Variants in GRID2 observed in about 807,000 individuals in gnomAD.
The protein encoded by GRID2 is glutamate ionotropic receptor delta type subunit 2.
Under a neutral mutation model 114.8 loss-of-function variants are expected in GRID2, and 33 were observed. That is an observed-to-expected ratio of 0.29 (90% CI 0.22 to 0.38). The LOEUF (loss-of-function observed/expected upper bound fraction) is 0.38, where lower values mean the gene tolerates loss of function less well. Among genes scored for constraint, GRID2 ranks in the 10% least tolerant of loss-of-function variants. GRID2 has a pLI of 1.00. For missense variants in GRID2, 1,184 were observed against 1,257.7 expected (o/e 0.94, Z 0.89); for synonymous variants, 505 against 449.9 (o/e 1.12, Z -1.55).
At chr4:93,632,583 T>C (rs1387338949) in intron 14 of GRID2, among the ~76,000 whole-genome samples, 2 of 152,214 alleles carry the variant, frequency 1.3e-5, no homozygotes, top group Non-Finnish European at 2.9e-5. Context: ...TATATCTCTG[T>C]TTTGGTACCA....
At chr4:92,902,725 C>T (rs1401293824) in intron 2 of GRID2, among the ~76,000 whole-genome samples, 1 of 152,124 alleles carries the variant, frequency 6.6e-6, no homozygotes, top group East Asian at 1.9e-4. Flanking sequence ...CCAATATTCC[C>T]AGTACCGTTT....
At chr4:93,021,765 TATA>T (rs1008468544) in intron 2 of GRID2, among the ~76,000 whole-genome samples, 19 of 146,214 alleles carry the variant, frequency 1.3e-4, no homozygotes, top group African/African-American at 3.4e-4. Flanking sequence ...ATATGAATAT[TATA>T]ATATTTACAA....
chr4:92,371,537 T>G (rs1288521088), intron 1 of GRID2, among the ~76,000 whole-genome samples: 2 of 152,128 alleles, frequency 1.3e-5, no homozygotes, highest in Non-Finnish European at 2.9e-5. Context: ...TGGAAGACAA[T>G]GTATGTGTTT....
In GRID2 at chr4:92,631,020, A is replaced by G. The variant is rs186456303; in HGVS notation, c.244+40734A>G. 3.1e-3 allele frequency among the ~76,000 whole-genome samples: 472 copies of G among 151,858 alleles called. 2 individuals are homozygous for G. The highest frequency in any genetic ancestry group is 0.011 in the African/African-American group (455 of 41,488). On this transcript the variant is annotated intron_variant, in intron 2 of 15. Transcript: ENST00000282020. ...GTATTAATGAGTATAATGAGAAAAA[A>G]AAAAAGAAAAAAACAAGAGATCTAT...
intron 13 of GRID2, among the ~76,000 whole-genome samples, chr4:93,546,630 TA>T (rs1733242206): frequency 6.6e-6 from 1 of 152,146 alleles, no homozygotes; most frequent in Non-Finnish European, 1.5e-5. Flanking sequence ...TTTCTATCTG[TA>T]AAATGAAAGT....
chr4:92,586,377 C>CACACACACACACACACAT (rs1014940069), intron 1 of GRID2, among the ~76,000 whole-genome samples: 1 of 151,204 alleles, frequency 6.6e-6, no homozygotes, highest in Non-Finnish European at 1.5e-5. Flanking sequence ...CACACACACA[C>CACACACACACACACACAT]ACACACACAC....
chr4:93,290,685 T>C (rs1372032063), intron 8 of GRID2, among the ~76,000 whole-genome samples: 2 of 151,636 alleles, frequency 1.3e-5, no homozygotes, highest in African/African-American at 4.9e-5. Context: ...GTTGTTCTTC[T>C]TTCTTTTTTC....
At chr4:92,520,346 G>T (rs1234573273) in intron 1 of GRID2, among the ~76,000 whole-genome samples, 3 of 150,274 alleles carry the variant, frequency 2.0e-5, no homozygotes, top group Admixed American at 1.3e-4. Context: ...AGAAAACAAA[G>T]ATATTTTCTA....
chr4:92,663,208 G>C (rs1299053097), intron 2 of GRID2, among the ~76,000 whole-genome samples: 1 of 150,986 alleles, frequency 6.6e-6, no homozygotes, highest in Non-Finnish European at 1.5e-5. Context: ...AATGACAAGA[G>C]TAATTTCAAG....
At chr4:92,940,966 T>G (rs911671219) in intron 2 of GRID2, among the ~76,000 whole-genome samples, 1 of 152,176 alleles carries the variant, frequency 6.6e-6, no homozygotes, top group Non-Finnish European at 1.5e-5. Context: ...TGGATTCGGT[T>G]TGCCAGTATT....
At chr4:92,777,323 A>T (rs1254446038) in intron 2 of GRID2, among the ~76,000 whole-genome samples, 3 of 152,044 alleles carry the variant, frequency 2.0e-5, no homozygotes, top group African/African-American at 7.2e-5. Flanking sequence ...CCTTGCTGTT[A>T]TAGTTCAGAT....
At position 92,308,994 on chromosome 4, in the gene GRID2, C is replaced by T. The variant is rs528753890; in HGVS notation, c.88+4250C>T. 2.6e-5 allele frequency among the ~76,000 whole-genome samples: 4 copies of T among 152,052 alleles called. No individual in the cohort carries two copies. In the East Asian group the frequency reaches 7.7e-4, roughly 29 times the overall value. On this transcript the variant is annotated intron_variant, in intron 1 of 15. Transcript: ENST00000282020. The stretch of plus-strand genomic sequence containing the variant: ...CAATTCAAGTGTGTATTAAGTTAGA[C>T]AATGTTGTTATTAATCAAAGATACC...
At chr4:92,730,112 A>G (rs912714543) in intron 2 of GRID2, among the ~76,000 whole-genome samples, 24 of 151,602 alleles carry the variant, frequency 1.6e-4, no homozygotes, top group African/African-American at 5.8e-4. Flanking sequence ...ATCACATAGA[A>G]CTCCAGTTTA....
At chr4:93,286,771 A>G (rs1189383356) in intron 8 of GRID2, among the ~76,000 whole-genome samples, 2 of 151,734 alleles carry the variant, frequency 1.3e-5, no homozygotes, top group Non-Finnish European at 2.9e-5. Context: ...AGAATTATAT[A>G]TATATCATCA....
chr4:92,867,120 A>C (rs1744923405), intron 2 of GRID2, among the ~76,000 whole-genome samples: 2 of 152,202 alleles, frequency 1.3e-5, no homozygotes, highest in African/African-American at 4.8e-5. Flanking sequence ...TTACATAGTA[A>C]ATACATCATG....
rs560547185 is a variant in GRID2, at chr4:93,594,135, T to G, written c.2194-32134T>G. Among the ~76,000 whole-genome samples the G allele has an allele frequency of 1.6e-3, 247 of 152,326 alleles. 4 individuals are homozygous for G. The South Asian group carries it at 0.026, about 16-fold the overall frequency. On this transcript the variant is annotated intron_variant, in intron 13 of 15. Coordinates refer to ENST00000282020, the MANE Select transcript of GRID2 (RefSeq NM_001510.4). Reference sequence around the variant, plus strand: ...CTTTGGAGGAGGAGAGGCACTCTGCTTTTTAGAGTTTCCAGTTTTTCTGTT... The same window carrying G: ...CTTTGGAGGAGGAGAGGCACTCTGCGTTTTAGAGTTTCCAGTTTTTCTGTT...
chr4:93,520,920 A>G (rs1281129711), intron 13 of GRID2, among the ~76,000 whole-genome samples: 1 of 152,132 alleles, frequency 6.6e-6, no homozygotes, highest in Non-Finnish European at 1.5e-5. Flanking sequence ...TGTGGAGACC[A>G]GGGGGCTCAA....
At chr4:93,524,418 A>G (rs1730630397) in intron 13 of GRID2, among the ~76,000 whole-genome samples, 2 of 152,152 alleles carry the variant, frequency 1.3e-5, no homozygotes, top group Admixed American at 1.3e-4. Context: ...ACACAAAGAA[A>G]GAAGAGAACT....
Position 92,709,587 on chromosome 4 carries a change from A to AT in GRID2, c.244+119301_244+119302insT, listed in dbSNP as rs1296707680. On this transcript the variant is annotated intron_variant, in intron 2 of 15. Coordinates refer to ENST00000282020, the MANE Select transcript of GRID2 (RefSeq NM_001510.4). ...ATAGTGTAGAGAAAAAAAAAAAAAA[A>AT]AAATATATATATATATATATATGTA... is the stretch of plus-strand genomic sequence containing the variant. 6.5e-3 allele frequency among the ~76,000 whole-genome samples: 776 copies of AT among 119,746 alleles called. 5 individuals are homozygous for AT. Among genetic ancestry groups the AT allele is most frequent in the African/African-American group, 0.019 (574 of 30,024 alleles). 78.6% of individuals were successfully genotyped at this position (119,746 alleles called of 152,430 possible). A position where few individuals can be genotyped will look rare whatever the true frequency, so the allele number is the denominator to read the frequency against.
Sources: allele counts gnomAD v4.1 joint callset (sites outside exome capture counted in the v4.1 genomes callset), GRCh38; gene constraint gnomAD v4.1.1; transcripts MANE v1.5; gene names NCBI Gene and HGNC (gene_info 2026-07-23, HGNC 2026-07-21).